Variants in PCDH9 observed in about 807,000 individuals in gnomAD.
PCDH9 encodes protocadherin 9, also known as protocadherin-9.
In PCDH9, 24 loss-of-function variants were observed where a neutral mutation model predicts 70.6. The ratio of observed to expected loss-of-function variants is 0.34; its 90% confidence interval spans 0.25 to 0.48. The LOEUF is 0.48. Among genes scored for constraint, PCDH9 ranks in the 20% least tolerant of loss-of-function variants. The pLI is 0.99. For missense variants in PCDH9, 1,281 were observed against 1,503.6 expected, an observed-to-expected ratio of 0.85 and a Z score of 2.45; for synonymous variants, 562 against 558.5, an observed-to-expected ratio of 1.01 and a Z score of -0.09.
At chr13:66,919,676 A>G (rs963500021) in intron 2 of PCDH9, among the ~76,000 whole-genome samples, 2 of 151,076 alleles carry the variant, frequency 1.3e-5, no homozygotes, top group Non-Finnish European at 3.0e-5. Context: ...TTGTAATGGA[A>G]AAAAGGACTG....
chr13:67,025,906 A>G (rs1449653704), intron 2 of PCDH9, among the ~76,000 whole-genome samples: 1 of 152,178 alleles, frequency 6.6e-6, no homozygotes, highest in East Asian at 1.9e-4. Flanking sequence ...GTATATGAAT[A>G]ATTATATTAG....
chr13:67,197,116 T>C (rs560150276), intron 2 of PCDH9, among the ~76,000 whole-genome samples: 56 of 152,108 alleles, frequency 3.7e-4, no homozygotes, highest in Middle Eastern at 3.4e-3. Context: ...TAACACATAA[T>C]GTAGACTGCA....
intron 4 of PCDH9, among the ~76,000 whole-genome samples, chr13:66,596,002 T>C (rs2077098050): frequency 6.6e-6 from 1 of 151,686 alleles, no homozygotes; most frequent in South Asian, 2.1e-4. Context: ...ACTGCATTAA[T>C]AAACATTAAG....
intron 2 of PCDH9, among the ~76,000 whole-genome samples, chr13:67,152,065 C>A (rs1001984461): frequency 2.0e-5 from 3 of 152,130 alleles, no homozygotes; most frequent in African/African-American, 7.2e-5. Context: ...CAAATTGTAT[C>A]TTCTTATAGC....
chr13:66,956,830 G>C (rs1190723619), intron 2 of PCDH9, among the ~76,000 whole-genome samples: 1 of 152,092 alleles, frequency 6.6e-6, no homozygotes, highest in African/African-American at 2.4e-5. Context: ...CATTGTTGCT[G>C]TTTCGCACTC....
intron 4 of PCDH9, among the ~76,000 whole-genome samples, chr13:66,496,376 C>T (rs1959117829): frequency 2.0e-5 from 3 of 152,148 alleles, no homozygotes; most frequent in Non-Finnish European, 4.4e-5. Flanking sequence ...TTTCATGTAG[C>T]TACTGATTGT....
chr13:66,685,252 C>T (rs1280631059), intron 3 of PCDH9, among the ~76,000 whole-genome samples: 3 of 152,162 alleles, frequency 2.0e-5, no homozygotes. Context: ...AGTCTTGAGA[C>T]TATTTGTCCT....
intron 4 of PCDH9, among the ~76,000 whole-genome samples, chr13:66,441,589 A>C (rs1471616738): frequency 6.6e-6 from 1 of 152,128 alleles, no homozygotes; most frequent in South Asian, 2.1e-4. Flanking sequence ...ACAGTGGTTT[A>C]TTTTGAAATT....
Position 67,226,706 on chromosome 13 carries a change from A to G in PCDH9, c.1735T>C (p.Phe579Leu). The change falls in exon 2 of 5, where the codon TTT (phenylalanine) becomes CTT (leucine). Residue 579 changes from phenylalanine to leucine, a missense_variant. Coordinates refer to ENST00000377865, the MANE Select transcript of PCDH9 (RefSeq NM_203487.3). This position sits in a 1 kb window ranked among gnomAD's most constrained non-coding sequence, Gnocchi z 5.0. ...TTTGGCAGATTCTCAGACACAAAAAATTGAAAATGATTATGAGTAAACTTG... is the reference window on the plus strand; with the variant it reads ...TTTGGCAGATTCTCAGACACAAAAAGTTGAAAATGATTATGAGTAAACTTG... ...SPKFTHNHFQ[F>L]FVSENLPKYS... 1 of 1,614,176 alleles carries G rather than the reference A, an allele frequency of 6.2e-7. No individual in the cohort carries two copies. The highest frequency in any genetic ancestry group is 8.5e-7 in the Non-Finnish European group (1 of 1,179,998).
intron 4 of PCDH9, among the ~76,000 whole-genome samples, chr13:66,347,394 T>C (rs778437521): frequency 1.3e-5 from 2 of 152,114 alleles, no homozygotes; most frequent in Non-Finnish European, 2.9e-5. Context: ...TTTCAGGCCT[T>C]AGGCTATGGT....
In PCDH9 at chr13:66,678,902, T is replaced by G. The variant is rs141258136; in HGVS notation, c.3139-47491A>C. Reference sequence around the variant, plus strand: ...GAAGGGGCAGAGCTCTAGTGAACACTCAAAAGAAAACCTTGGCCTGGCATC... The same window carrying G: ...GAAGGGGCAGAGCTCTAGTGAACACGCAAAAGAAAACCTTGGCCTGGCATC... On this transcript the variant is annotated intron_variant, in intron 3 of 4. Coordinates refer to ENST00000377865, the MANE Select transcript of PCDH9 (RefSeq NM_203487.3). Among the ~76,000 whole-genome samples the G allele has an allele frequency of 4.6e-5, 7 of 151,694 alleles. No homozygotes were observed. The East Asian group carries it at 1.4e-3, about 29-fold the overall frequency.
At chr13:67,116,296 T>C (rs1400705780) in intron 2 of PCDH9, among the ~76,000 whole-genome samples, 1 of 152,176 alleles carries the variant, frequency 6.6e-6, no homozygotes, top group African/African-American at 2.4e-5. Context: ...TTCATTCCTA[T>C]AAATTACTTC....
intron 3 of PCDH9, among the ~76,000 whole-genome samples, chr13:66,682,370 ATCTATCTATCTATCTATC>A (rs1191576434): frequency 2.3e-4 from 17 of 74,654 alleles, no homozygotes; most frequent in African/African-American, 5.7e-4. Flanking sequence ...CTATCTATCT[ATCTATCTATCTATCTATC>A]TATCTATCTA....
At chr13:67,109,379 T>A (rs552396927) in intron 2 of PCDH9, among the ~76,000 whole-genome samples, 1 of 152,322 alleles carries the variant, frequency 6.6e-6, no homozygotes, top group South Asian at 2.1e-4. Context: ...ATTAAATTCA[T>A]TTCCCTAAGT....
intron 2 of PCDH9, among the ~76,000 whole-genome samples, chr13:66,963,585 G>C (rs944141207): frequency 4.6e-5 from 7 of 151,894 alleles, no homozygotes; most frequent in Non-Finnish European, 1.0e-4. Context: ...TTTATCATTG[G>C]TGTTAGCACT....
chr13:67,005,663 A>G (rs9529165), intron 2 of PCDH9, among the ~76,000 whole-genome samples: 37,205 of 152,164 alleles, frequency 0.24, 4,935 homozygotes, highest in East Asian at 0.55. Context: ...GGCAATGCAT[A>G]CATTTTAAAT....
chr13:66,491,215 A>G (rs1479537649), intron 4 of PCDH9, among the ~76,000 whole-genome samples: 1 of 152,174 alleles, frequency 6.6e-6, no homozygotes. Context: ...TGATAAGTCC[A>G]TAGTTGTTCT....
chr13:66,554,942 G>C (rs936346190), intron 4 of PCDH9, among the ~76,000 whole-genome samples: 7 of 152,138 alleles, frequency 4.6e-5, no homozygotes, highest in African/African-American at 1.7e-4. Flanking sequence ...GGCCGAGGCA[G>C]GCAGACCACC....
At chr13:67,056,922 A>G (rs766597172) in intron 2 of PCDH9, among the ~76,000 whole-genome samples, 1 of 152,206 alleles carries the variant, frequency 6.6e-6, no homozygotes, top group Non-Finnish European at 1.5e-5. Flanking sequence ...TATATACACT[A>G]TGCAAAAAAT....
Sources: allele counts gnomAD v4.1 joint callset (sites outside exome capture counted in the v4.1 genomes callset), GRCh38; gene constraint gnomAD v4.1.1; non-coding constraint Gnocchi (gnomAD v3.1); transcripts MANE v1.5; gene names NCBI Gene and HGNC (gene_info 2026-07-23, HGNC 2026-07-21).